The following CNOT6 variants were observed in gnomAD, a reference collection of about 807,000 sequenced individuals.
CNOT6 encodes CCR4-NOT transcription complex subunit 6.
CNOT6 carries 12 observed loss-of-function variants against 61.2 expected under a neutral mutation model. That is an observed-to-expected ratio of 0.20 (90% CI 0.13 to 0.32). The LOEUF is 0.32. CNOT6 is among the 10% of genes least tolerant of loss of function. CNOT6 has a pLI of 1.00. For synonymous variants in CNOT6, 225 were observed against 240.6 expected, an observed-to-expected ratio of 0.94 and a Z score of 0.60; for missense variants, 405 against 663.9, an observed-to-expected ratio of 0.61 and a Z score of 4.28.
At chr5:180,557,122 G>A (rs1432928085) in intron 4 of CNOT6, among the ~76,000 whole-genome samples, 2 of 152,252 alleles carry the variant, frequency 1.3e-5, no homozygotes, top group African/African-American at 2.4e-5. Flanking sequence ...TAAATGTCTC[G>A]TGGTTAGTTT....
At chr5:180,563,231 T>TG (rs1760275071) in intron 4 of CNOT6, among the ~76,000 whole-genome samples, 2 of 151,494 alleles carry the variant, frequency 1.3e-5, no homozygotes, top group African/African-American at 4.9e-5. Flanking sequence ...TTTTTTTTTT[T>TG]TTGAGACAGA....
At chr5:180,521,820 T>G (rs1757892978) in intron 1 of CNOT6, among the ~76,000 whole-genome samples, 1 of 152,254 alleles carries the variant, frequency 6.6e-6, no homozygotes, top group Non-Finnish European at 1.5e-5. Flanking sequence ...TTAATTCACT[T>G]AGGATAATAG....
In CNOT6 at chr5:180,553,413, A is replaced by G. The variant is rs1280383456; in HGVS notation, c.327A>G (p.Leu109=). The change falls in exon 4 of 12, where the codon TTA becomes TTG. Residue 109 remains leucine, a synonymous_variant. Transcript: ENST00000261951. ...LRELHLNNNL[L]RVLPFELGKL... Reference sequence around the variant, plus strand: ...AGCTCCATTTAAATAACAACCTGTTACGAGTTCTACCTTTTGAGCTGGGAA... The same window carrying G: ...AGCTCCATTTAAATAACAACCTGTTGCGAGTTCTACCTTTTGAGCTGGGAA... 6.2e-7 allele frequency: 1 copy of G among 1,613,822 alleles called. No homozygotes were observed. The highest frequency in any genetic ancestry group is 1.3e-5 in the African/African-American group (1 of 74,934).
chr5:180,520,888 AGGCTGG>A, intron 1 of CNOT6, among the ~76,000 whole-genome samples: 1 of 150,276 alleles, frequency 6.7e-6, no homozygotes, highest in East Asian at 2.0e-4. Context: ...TCTGTCGCCC[AGGCTGG>A]AGTGCAGTGG....
intron 7 of CNOT6, among the ~76,000 whole-genome samples, chr5:180,566,197 C>G (rs779966920): frequency 4.6e-5 from 7 of 152,154 alleles, no homozygotes; most frequent in Admixed American, 3.9e-4. Flanking sequence ...TTGCCATGAC[C>G]GCTAAATACT....
At chr5:180,498,969 T>C (rs535023498) in intron 1 of CNOT6, among the ~76,000 whole-genome samples, 1 of 152,298 alleles carries the variant, frequency 6.6e-6, no homozygotes, top group Admixed American at 6.5e-5. Flanking sequence ...TTTTGTATTT[T>C]TAGTAGAGGC....
intron 1 of CNOT6, among the ~76,000 whole-genome samples, chr5:180,507,589 C>T (rs980819217): frequency 3.3e-5 from 5 of 150,348 alleles, no homozygotes; most frequent in Non-Finnish European, 4.5e-5. Flanking sequence ...GGGACAAGAG[C>T]GAGACTCCGT....
intron 2 of CNOT6, among the ~76,000 whole-genome samples, chr5:180,539,497 T>C (rs1297341428): frequency 6.6e-6 from 1 of 150,480 alleles, no homozygotes; most frequent in Admixed American, 6.6e-5. Flanking sequence ...TATGCTTTTA[T>C]AGCAACTTAT....
At chr5:180,548,961 A>G (rs1759450691) in intron 2 of CNOT6, among the ~76,000 whole-genome samples, 2 of 152,230 alleles carry the variant, frequency 1.3e-5, no homozygotes, top group Admixed American at 1.3e-4. Flanking sequence ...GTCAAAGTGC[A>G]GATTTACTGT....
chr5:180,549,451 C>T (rs1739511333), intron 2 of CNOT6, among the ~76,000 whole-genome samples: 1 of 152,012 alleles, frequency 6.6e-6, no homozygotes, highest in African/African-American at 2.4e-5. Context: ...AGATCGAGAC[C>T]ATCCTTGTTA....
At chr5:180,519,678 C>T (rs932418193) in intron 1 of CNOT6, among the ~76,000 whole-genome samples, 2 of 151,846 alleles carry the variant, frequency 1.3e-5, no homozygotes, top group African/African-American at 2.4e-5. Context: ...TGATTTTTAT[C>T]GCCACAAATA....
Position 180,567,246 on chromosome 5 carries a change from A to G in CNOT6, c.872+4A>G. The stretch of plus-strand genomic sequence containing the variant: ...CAATATTCTTCAAGACAGAAAAGTA[A>G]GTCATCTTATTTTTTAAAAAGAACG... On this transcript the variant is annotated splice_donor_region_variant and intron_variant, in intron 8 of 11. Coordinates refer to ENST00000261951, the MANE Select transcript of CNOT6 (RefSeq NM_001370472.1). 6.3e-7 allele frequency: 1 copy of G among 1,596,622 alleles called. No homozygotes were observed. The highest frequency in any genetic ancestry group is 8.5e-7 in the Non-Finnish European group (1 of 1,175,406).
At chr5:180,520,773 C>T (rs977922407) in intron 1 of CNOT6, among the ~76,000 whole-genome samples, 6 of 152,042 alleles carry the variant, frequency 3.9e-5, no homozygotes, top group African/African-American at 1.2e-4. Flanking sequence ...TTTTCTTTTC[C>T]ATATAGCTTG....
At chr5:180,539,551 CTTTTTTTTTTTTTTTTTTTTTTT>C (rs70973934) in intron 2 of CNOT6, among the ~76,000 whole-genome samples, 3 of 37,110 alleles carry the variant, frequency 8.1e-5, no homozygotes, top group Admixed American at 3.7e-4. Flanking sequence ...TTTTTCTGTT[CTTTTTTTTTTTTTTTTTTTTTTT>C]TTTTTTTTTT....
intron 2 of CNOT6, among the ~76,000 whole-genome samples, chr5:180,538,462 G>A (rs1390545344): frequency 6.6e-6 from 1 of 150,682 alleles, no homozygotes; most frequent in Admixed American, 6.6e-5. Flanking sequence ...AAGGGAGGCC[G>A]ATTACCTGAG....
chr5:180,537,316 TG>T (rs1192265815), intron 2 of CNOT6, among the ~76,000 whole-genome samples: 4 of 152,230 alleles, frequency 2.6e-5, no homozygotes, highest in African/African-American at 9.6e-5. Flanking sequence ...TGGATTTTTT[TG>T]CCATCCTGAT....
chr5:180,567,789 A>C, intron 8 of CNOT6, 60 bp from the exon 9 acceptor site: 1 of 1,612,316 alleles, frequency 6.2e-7, no homozygotes, highest in South Asian at 1.1e-5. Context: ...GTTTCCCACA[A>C]AGCTAACCTC....
intron 1 of CNOT6, among the ~76,000 whole-genome samples, chr5:180,525,538 CAA>C (rs56234526): frequency 1.0e-3 from 83 of 83,402 alleles, no homozygotes; most frequent in Admixed American, 1.3e-3. Context: ...GACCCTGTCT[CAA>C]AAAAAAAAAA....
intron 8 of CNOT6, 139 bp downstream of exon 8, chr5:180,567,381 G>A: frequency 1.3e-6 from 1 of 752,550 alleles, no homozygotes; most frequent in South Asian, 2.2e-5. Flanking sequence ...TGACCTAGGG[G>A]GTTTTTGTTT....
Sources: allele counts gnomAD v4.1 joint callset (sites outside exome capture counted in the v4.1 genomes callset), GRCh38; gene constraint gnomAD v4.1.1; transcripts MANE v1.5; gene names NCBI Gene and HGNC (gene_info 2026-07-23, HGNC 2026-07-21).